Variants in GABRA4 observed in about 807,000 individuals in gnomAD.
GABRA4 encodes the protein gamma-aminobutyric acid type A receptor subunit alpha4.
In GABRA4, 12 loss-of-function variants were observed where a neutral mutation model predicts 49.7. The observed-to-expected ratio is 0.24, with a 90% CI of 0.15 to 0.39. The LOEUF is 0.39. Ranked by LOEUF, GABRA4 falls within the 10% of genes least tolerant of loss-of-function variation. The pLI, the probability that GABRA4 is intolerant of heterozygous loss-of-function variation, is 1.00. For synonymous variants in GABRA4, 288 were observed against 240.2 expected (o/e 1.20, Z -1.84); for missense variants, 506 against 686.0 (o/e 0.74, Z 2.93).
intron 2 of GABRA4, among the ~76,000 whole-genome samples, chr4:46,988,209 T>G (rs1723610354): frequency 6.6e-6 from 1 of 152,194 alleles, no homozygotes; most frequent in Admixed American, 6.5e-5. Context: ...TTTTCCCTTT[T>G]AGCATGATAT....
chr4:46,967,373 A>G (rs1213324101), intron 7 of GABRA4, among the ~76,000 whole-genome samples: 1 of 151,000 alleles, frequency 6.6e-6, no homozygotes, highest in Non-Finnish European at 1.5e-5. Flanking sequence ...TTTTTGTAAT[A>G]GGACTATTTT....
At chr4:46,977,659 A>AATAT in intron 3 of GABRA4, 29 bp from the exon 4 acceptor site, 2 of 1,488,206 alleles carry the variant, frequency 1.3e-6, no homozygotes, top group Non-Finnish European at 9.3e-7. Context: ...AACATATTTA[A>AATAT]GTTGCAAATG....
chr4:46,980,904 G>A (rs1245874673), intron 2 of GABRA4, among the ~76,000 whole-genome samples: 5 of 152,046 alleles, frequency 3.3e-5, no homozygotes, highest in African/African-American at 1.2e-4. Flanking sequence ...GCAAGTCAGG[G>A]CAAGTGGTGA....
chr4:46,989,410 G>C (rs1442659042), intron 2 of GABRA4, among the ~76,000 whole-genome samples: 1 of 152,156 alleles, frequency 6.6e-6, no homozygotes, highest in Non-Finnish European at 1.5e-5. Flanking sequence ...ATTTATTAGA[G>C]GTTGAGAGGA....
At chr4:46,946,667 C>T (rs1721991647) in intron 8 of GABRA4, among the ~76,000 whole-genome samples, 1 of 152,052 alleles carries the variant, frequency 6.6e-6, no homozygotes, top group Admixed American at 6.6e-5. Flanking sequence ...GTCTATACAG[C>T]CTTGATACCT....
chr4:46,992,204 C>A (rs1723777083), intron 2 of GABRA4, among the ~76,000 whole-genome samples: 1 of 152,114 alleles, frequency 6.6e-6, no homozygotes, highest in South Asian at 2.1e-4. Flanking sequence ...GTCCTTTATA[C>A]TTATTTTGTT....
rs1398231226 is a variant in GABRA4, at chr4:46,920,706, C to T, written c.*7519G>A. ...CCAATGTATTACAGGGAGGTATTTC[C>T]AAATTAGGTTATATCTTATAGCAAC... On this transcript the variant is annotated 3_prime_UTR_variant, in exon 9 of 9. Transcript: ENST00000264318. 2.0e-5 allele frequency: 3 copies of T among 151,372 alleles called. No homozygotes were observed. In the East Asian group the frequency reaches 5.8e-4, roughly 29 times the overall value. The allele number at this position is 151,372 out of a possible 1,614,324, so 9.4% of individuals were successfully genotyped here. A position where few individuals can be genotyped will look rare whatever the true frequency, so the allele number is the denominator to read the frequency against.
In GABRA4 at chr4:46,924,220, C is replaced by G. The variant is rs1287292300; in HGVS notation, c.*4005G>C. 3 of 152,044 alleles carry G rather than the reference C, an allele frequency of 2.0e-5. No homozygotes were observed. Among genetic ancestry groups the G allele is most frequent in the Non-Finnish European group, 4.4e-5 (3 of 67,968 alleles). The allele number at this position is 152,044 out of a possible 1,614,324, so 9.4% of individuals were successfully genotyped here. On this transcript the variant is annotated 3_prime_UTR_variant, in exon 9 of 9. Coordinates refer to ENST00000264318, the MANE Select transcript of GABRA4 (RefSeq NM_000809.4). Reference sequence around the variant, plus strand: ...GAAGAAAATATTATTACTACTGATTCTATTAATTTATTTAAAATTTGTATA... The same window carrying G: ...GAAGAAAATATTATTACTACTGATTGTATTAATTTATTTAAAATTTGTATA...
chr4:46,943,519 AC>A (rs1379085466), intron 8 of GABRA4, among the ~76,000 whole-genome samples: 1 of 152,118 alleles, frequency 6.6e-6, no homozygotes, highest in African/African-American at 2.4e-5. Flanking sequence ...TCTTATTAAA[AC>A]TTTTTCAGCG....
At chr4:46,950,398 C>A (rs1044929917) in intron 8 of GABRA4, among the ~76,000 whole-genome samples, 1 of 151,964 alleles carries the variant, frequency 6.6e-6, no homozygotes, top group Non-Finnish European at 1.5e-5. Context: ...AAATGCAAAT[C>A]ACTATCATCA....
At chr4:46,949,025 T>C (rs567187842) in intron 8 of GABRA4, among the ~76,000 whole-genome samples, 1 of 152,236 alleles carries the variant, frequency 6.6e-6, no homozygotes, top group South Asian at 2.1e-4. Context: ...TCTTACATTA[T>C]AGAACAATTG....
chr4:46,948,496 T>G (rs1373168948), intron 8 of GABRA4, among the ~76,000 whole-genome samples: 1 of 152,130 alleles, frequency 6.6e-6, no homozygotes, highest in Admixed American at 6.6e-5. Flanking sequence ...TTGTGCTCAC[T>G]CTACTGTGCT....
In GABRA4 at chr4:46,921,869, A is replaced by G. The variant is rs1721047070; in HGVS notation, c.*6356T>C. The G allele has an allele frequency of 6.6e-6, 1 of 152,158 alleles. No homozygotes were observed. Among genetic ancestry groups the G allele is most frequent in the South Asian group, 2.1e-4 (1 of 4,838 alleles). The allele number at this position is 152,158 out of a possible 1,614,324, so 9.4% of individuals were successfully genotyped here. On this transcript the variant is annotated 3_prime_UTR_variant, in exon 9 of 9. Coordinates refer to ENST00000264318, the MANE Select transcript of GABRA4 (RefSeq NM_000809.4). ...TATAGTCAGCAGCTTTTAAGTAGGTAGCCATTTGCACTAATAGGAGAAAGG... is the reference window on the plus strand; with the variant it reads ...TATAGTCAGCAGCTTTTAAGTAGGTGGCCATTTGCACTAATAGGAGAAAGG...
Position 46,923,522 on chromosome 4 carries a change from T to C in GABRA4, c.*4703A>G, listed in dbSNP as rs527398904. 1 of 152,220 alleles carries C rather than the reference T, an allele frequency of 6.6e-6. No homozygotes were observed. Among genetic ancestry groups the C allele is most frequent in the African/African-American group, 2.4e-5 (1 of 41,556 alleles). 9.4% of individuals were successfully genotyped at this position (152,220 alleles called of 1,614,324 possible). On this transcript the variant is annotated 3_prime_UTR_variant, in exon 9 of 9. Coordinates refer to ENST00000264318, the MANE Select transcript of GABRA4 (RefSeq NM_000809.4). ...TGAGATTGTTTTTAAGTTTCTACAA[T>C]GTCTATCTTTAACAGTCATGTATCA... is the stretch of plus-strand genomic sequence containing the variant.
At chr4:46,947,141 A>T (rs1240658504) in intron 8 of GABRA4, among the ~76,000 whole-genome samples, 2 of 151,862 alleles carry the variant, frequency 1.3e-5, no homozygotes, top group Non-Finnish European at 2.9e-5. Context: ...TCATTCCTAC[A>T]AATAACATGT....
intron 2 of GABRA4, among the ~76,000 whole-genome samples, chr4:46,989,431 T>C (rs1415489157): frequency 6.6e-6 from 1 of 152,166 alleles, no homozygotes; most frequent in Non-Finnish European, 1.5e-5. Flanking sequence ...CTACATCCTC[T>C]CAGAAGTCGG....
chr4:46,989,260 T>G lies in GABRA4; in HGVS notation c.205+3568A>C, dbSNP rs907996127. 1.2e-4 allele frequency among the ~76,000 whole-genome samples: 18 copies of G among 152,204 alleles called. No homozygotes were observed. In the East Asian group the frequency reaches 3.3e-3, roughly 28 times the overall value. On this transcript the variant is annotated intron_variant, in intron 2 of 8. Coordinates refer to ENST00000264318, the MANE Select transcript of GABRA4 (RefSeq NM_000809.4). ...AGTTAGTAAATACCTTAGCAATGCA[T>G]TTTTGAGAAATTATGTAACAGTGTT...
chr4:46,947,537 A>G (rs1330994536), intron 8 of GABRA4, among the ~76,000 whole-genome samples: 1 of 151,994 alleles, frequency 6.6e-6, no homozygotes, highest in Non-Finnish European at 1.5e-5. Context: ...GGAAGGAAGC[A>G]AAGGGGAGAA....
intron 2 of GABRA4, among the ~76,000 whole-genome samples, chr4:46,985,021 G>T (rs1723484243): frequency 6.6e-6 from 1 of 151,890 alleles, no homozygotes; most frequent in Non-Finnish European, 1.5e-5. Flanking sequence ...CAAGCAAAAA[G>T]CCTACTGCCA....
Sources: gnomAD v4.1 joint callset for allele counts (sites outside exome capture counted in the v4.1 genomes callset) on GRCh38, gnomAD v4.1.1 for gene constraint, MANE v1.5 for transcripts, NCBI Gene and HGNC (gene_info 2026-07-23, HGNC 2026-07-21) for gene names.